Variants in SCML4 observed in about 807,000 individuals in gnomAD.
SCML4 encodes the protein sex comb on midleg-like protein 4.
In SCML4, 34 loss-of-function variants were observed where a neutral mutation model predicts 41.1. The observed-to-expected ratio is 0.83, with a 90% CI of 0.63 to 1.10. The LOEUF (loss-of-function observed/expected upper bound fraction) is 1.10. Among genes scored for constraint, SCML4 ranks in the 50% least tolerant of loss-of-function variants. The probability of loss-of-function intolerance (pLI) is 0.00; values close to 1 mark genes in which losing one functional copy is unlikely to be tolerated. For synonymous variants in SCML4, 214 were observed against 220.9 expected (o/e 0.97, Z 0.28); for missense variants, 522 against 534.1 (o/e 0.98, Z 0.22).
chr6:107,736,538 C>T (rs906001878), intron 5 of SCML4, among the ~76,000 whole-genome samples: 6 of 152,180 alleles, frequency 3.9e-5, no homozygotes, highest in East Asian at 1.9e-4. Context: ...GACCTGGGCC[C>T]TGTGCGCCTC....
chr6:107,734,741 A>C (rs1036148981), intron 5 of SCML4, among the ~76,000 whole-genome samples: 2 of 152,234 alleles, frequency 1.3e-5, no homozygotes, highest in East Asian at 3.8e-4. Flanking sequence ...CCTACCCTGG[A>C]GAACACTCCC....
At chr6:107,775,112 C>T (rs749802777) in intron 1 of SCML4, among the ~76,000 whole-genome samples, 19 of 152,112 alleles carry the variant, frequency 1.2e-4, no homozygotes, top group South Asian at 4.1e-4. Context: ...AATAAACAGG[C>T]CAGTTCACTT....
intron 6 of SCML4, among the ~76,000 whole-genome samples, chr6:107,708,369 C>T (rs1282747361): frequency 6.6e-6 from 1 of 152,144 alleles, no homozygotes; most frequent in African/African-American, 2.4e-5. Context: ...CCCAGGGCCT[C>T]CTGAGCCTGG....
At chr6:107,729,129 G>T (rs1431708143) in intron 5 of SCML4, among the ~76,000 whole-genome samples, 3 of 152,108 alleles carry the variant, frequency 2.0e-5, no homozygotes, top group Non-Finnish European at 4.4e-5. Context: ...GAACCACATG[G>T]GTATATTCAT....
At chr6:107,723,970 T>A (rs1179992980) in intron 5 of SCML4, among the ~76,000 whole-genome samples, 2 of 152,132 alleles carry the variant, frequency 1.3e-5, no homozygotes, top group Admixed American at 6.5e-5. Flanking sequence ...CATGACCAAG[T>A]AGGATTTATC....
chr6:107,806,713 C>G (rs1481767008), intron 1 of SCML4, among the ~76,000 whole-genome samples: 1 of 152,362 alleles, frequency 6.6e-6, no homozygotes, highest in East Asian at 1.9e-4. Context: ...CCATCTCCCA[C>G]TGGAGCTCCC....
intron 5 of SCML4, among the ~76,000 whole-genome samples, chr6:107,742,535 T>C (rs1001948208): frequency 6.6e-6 from 1 of 152,042 alleles, no homozygotes; most frequent in African/African-American, 2.4e-5. Flanking sequence ...GAGAGAATCC[T>C]AAAAGCAGCA....
upstream of SCML4, chr6:107,824,460 C>T (rs1349976255): frequency 8.3e-6 from 1 of 120,142 alleles, no homozygotes; most frequent in Non-Finnish European, 1.7e-5. Context: ...AAAACGAGGC[C>T]TCTGTGTGTG....
At chr6:107,833,678 A>G in the SCML4 span, among the ~76,000 whole-genome samples, 1 of 152,148 alleles carries the variant, frequency 6.6e-6, no homozygotes, top group Non-Finnish European at 1.5e-5. Flanking sequence ...GTTTGTGAGA[A>G]AGGGCCCAGC....
At chr6:107,780,351 AAGACTC>A (rs1447921452) in intron 1 of SCML4, among the ~76,000 whole-genome samples, 1 of 152,220 alleles carries the variant, frequency 6.6e-6, no homozygotes, top group Non-Finnish European at 1.5e-5. Context: ...AGCTAAAGCC[AAGACTC>A]ACATGTACTC....
chr6:107,708,693 A>G (rs9386659), intron 6 of SCML4, among the ~76,000 whole-genome samples: 2 of 152,006 alleles, frequency 1.3e-5, no homozygotes, highest in Admixed American at 6.5e-5. Flanking sequence ...GGTCTCCCCC[A>G]CTGCACTGTG....
chr6:107,839,368 GGAAAGAAAGAAAGAA>G, the SCML4 span, among the ~76,000 whole-genome samples: 1 of 52,468 alleles, frequency 1.9e-5, no homozygotes, highest in African/African-American at 6.9e-5. Flanking sequence ...AAAGAAAGAA[GGAAAGAAAGAAAGAA>G]AGAAAGAAAG....
chr6:107,844,918 A>C, the SCML4 span, among the ~76,000 whole-genome samples: 1 of 127,758 alleles, frequency 7.8e-6, no homozygotes, highest in African/African-American at 3.0e-5. Flanking sequence ...AAAATGTTTA[A>C]TTTTAAATAT....
chr6:107,778,206 AAAAAAAAAAAAAAAAAATATATATAT>A (rs1196100990), intron 1 of SCML4, among the ~76,000 whole-genome samples: 5 of 15,850 alleles, frequency 3.2e-4, no homozygotes, highest in East Asian at 4.2e-3. Flanking sequence ...CAAAAAAAAA[AAAAAAAAAAAAAAAAAATATATATAT>A]ATATATATAT....
At position 107,728,505 on chromosome 6, in the gene SCML4, A is replaced by G. The variant is rs1027161278; in HGVS notation, c.683-7512T>C. Among the ~76,000 whole-genome samples the G allele has an allele frequency of 1.4e-4, 22 of 152,276 alleles. 1 individual carries two copies. Among genetic ancestry groups the G allele is most frequent in the African/African-American group, 4.8e-4 (20 of 41,558 alleles). On this transcript the variant is annotated intron_variant, in intron 5 of 7. Transcript: ENST00000369020. ...TCGCCTGTAATCCCAGCTACTCAGG[A>G]GGCTGAGGCAGGAGAATTGCTTGAA...
intron 1 of SCML4, among the ~76,000 whole-genome samples, chr6:107,821,732 G>C (rs1450937233): frequency 6.6e-6 from 1 of 152,120 alleles, no homozygotes; most frequent in Non-Finnish European, 1.5e-5. Flanking sequence ...CGGCTCCCTG[G>C]CATCTACCCA....
the SCML4 span, among the ~76,000 whole-genome samples, chr6:107,831,120 T>C: frequency 2.0e-5 from 3 of 152,152 alleles, no homozygotes; most frequent in Admixed American, 6.5e-5. Flanking sequence ...CTGGGCTCAA[T>C]TTCTATGAAA....
At chr6:107,800,388 C>T (rs1264203580) in intron 1 of SCML4, among the ~76,000 whole-genome samples, 1 of 152,080 alleles carries the variant, frequency 6.6e-6, no homozygotes, top group Non-Finnish European at 1.5e-5. Flanking sequence ...TGAGCTGCAG[C>T]TTTATTTAGA....
At chr6:107,824,522 TG>T (rs1466898130), upstream of SCML4, among the ~76,000 whole-genome samples, 1 of 136,166 alleles carries the variant, frequency 7.3e-6, no homozygotes, top group East Asian at 2.0e-4. Context: ...GTGTGTTTTG[TG>T]TTTCCTTCCT....
Sources: gnomAD v4.1 joint callset for allele counts (sites outside exome capture counted in the v4.1 genomes callset) on GRCh38, gnomAD v4.1.1 for gene constraint, MANE v1.5 for transcripts, NCBI Gene and HGNC (gene_info 2026-07-23, HGNC 2026-07-21) for gene names.